The following ERC1 variants were observed in gnomAD, a reference collection of about 807,000 sequenced individuals.
ERC1 encodes RAB6 interacting protein 2.
In ERC1, 56 loss-of-function variants were observed where a neutral mutation model predicts 132.0. That is an observed-to-expected ratio of 0.42 (90% CI 0.34 to 0.53). The LOEUF (loss-of-function observed/expected upper bound fraction) is 0.53. Among genes scored for constraint, ERC1 ranks in the 20% least tolerant of loss-of-function variants. The pLI, the probability that ERC1 is intolerant of heterozygous loss-of-function variation, is 0.03. For missense variants in ERC1, 1,202 were observed against 1,349.9 expected (o/e 0.89, Z 1.72); for synonymous variants, 478 against 476.1 (o/e 1.00, Z -0.05).
chr12:1,232,440 C>T (rs1204384139), intron 12 of ERC1, among the ~76,000 whole-genome samples: 2 of 152,158 alleles, frequency 1.3e-5, no homozygotes, highest in Non-Finnish European at 2.9e-5. Flanking sequence ...AATGCACATG[C>T]TCATTCATTT....
intron 1 of ERC1, among the ~76,000 whole-genome samples, chr12:1,007,673 G>A (rs1963970113): frequency 1.3e-5 from 2 of 151,932 alleles, no homozygotes; most frequent in East Asian, 1.9e-4. Context: ...AGTGCTATTG[G>A]GTACAGTAGC....
intron 8 of ERC1, among the ~76,000 whole-genome samples, chr12:1,170,971 G>A (rs573840153): frequency 6.6e-6 from 1 of 152,204 alleles, no homozygotes; most frequent in Admixed American, 6.5e-5. Flanking sequence ...GAAGAATATT[G>A]TTATATTTTA....
chr12:1,255,882 G>A (rs550392175), intron 13 of ERC1, among the ~76,000 whole-genome samples: 44 of 151,290 alleles, frequency 2.9e-4, no homozygotes, highest in African/African-American at 9.9e-4. Context: ...CTCGTGATCC[G>A]CCCACCTCAA....
intron 8 of ERC1, among the ~76,000 whole-genome samples, chr12:1,149,790 C>T (rs1566087673): frequency 6.6e-6 from 1 of 152,082 alleles, no homozygotes; most frequent in African/African-American, 2.4e-5. Flanking sequence ...GGCAAAAAGT[C>T]ATGGAGATAA....
chr12:1,291,723 A>G (rs2079463751), intron 15 of ERC1, among the ~76,000 whole-genome samples: 1 of 152,154 alleles, frequency 6.6e-6, no homozygotes, highest in African/African-American at 2.4e-5. Context: ...TTTAATAGCT[A>G]TTTTCCATTC....
chr12:1,435,462 G>A (rs1441828420), intron 17 of ERC1, among the ~76,000 whole-genome samples: 1 of 152,152 alleles, frequency 6.6e-6, no homozygotes, highest in Admixed American at 6.5e-5. Flanking sequence ...CTTTATTTTA[G>A]TTTATAGTAC....
intron 15 of ERC1, among the ~76,000 whole-genome samples, chr12:1,328,037 A>T (rs1258204830): frequency 6.6e-6 from 1 of 151,970 alleles, no homozygotes; most frequent in Non-Finnish European, 1.5e-5. Flanking sequence ...CTATTTTATC[A>T]CTTTGTTTTT....
At position 1,495,736 on chromosome 12, in the gene ERC1, A is replaced by G. The variant is rs557492111; in HGVS notation, c.*5506A>G. The G allele has an allele frequency of 1.5e-4, 34 of 224,260 alleles. No individual in the cohort carries two copies. In the South Asian group the frequency reaches 5.9e-3, roughly 39 times the overall value. 13.9% of individuals were successfully genotyped at this position (224,260 alleles called of 1,614,324 possible). A position where few individuals can be genotyped will look rare whatever the true frequency, so the allele number is the denominator to read the frequency against. The stretch of plus-strand genomic sequence containing the variant: ...AGCAGCCTCCATGGTGGTGTCTGGG[A>G]TGCACGTGCACCCGCTGCCTTCAGC... On this transcript the variant is annotated 3_prime_UTR_variant, in exon 19 of 19. Transcript: ENST00000360905.
chr12:1,035,774 T>G (rs1407007899), intron 2 of ERC1, among the ~76,000 whole-genome samples: 2 of 151,870 alleles, frequency 1.3e-5, no homozygotes, highest in African/African-American at 4.8e-5. Context: ...TACAAAAAAT[T>G]AGCTGAGTGT....
chr12:1,191,851 G>GA lies in ERC1; in HGVS notation c.2351+1813dup, dbSNP rs748858506. Among the ~76,000 whole-genome samples, 349 of 137,076 alleles carry GA rather than the reference G, an allele frequency of 2.5e-3. 1 individual carries two copies. Among genetic ancestry groups the GA allele is most frequent in the African/African-American group, 5.5e-3 (207 of 37,484 alleles). The allele number at this position is 137,076 out of a possible 152,430, so 89.9% of individuals were successfully genotyped here. On this transcript the variant is annotated intron_variant, in intron 12 of 18. Coordinates refer to ENST00000360905, the MANE Select transcript of ERC1 (RefSeq NM_178040.4). ...ATTCAGCACAGTTTCTTGGCTACTG[G>GA]AAAAAAAAAAAAAAGGAACAGCTTT...
At chr12:1,178,174 G>A (rs950547531) in intron 8 of ERC1, among the ~76,000 whole-genome samples, 2 of 152,090 alleles carry the variant, frequency 1.3e-5, no homozygotes, top group African/African-American at 4.8e-5. Flanking sequence ...TGCCTGTCGA[G>A]TTCTTCTTGA....
intron 14 of ERC1, among the ~76,000 whole-genome samples, chr12:1,264,930 G>A (rs537122143): frequency 3.7e-4 from 57 of 152,292 alleles, no homozygotes; most frequent in African/African-American, 1.3e-3. Context: ...TCATAGCTGT[G>A]TGAGATAGAA....
At chr12:1,057,598 T>G (rs1973224457) in intron 2 of ERC1, among the ~76,000 whole-genome samples, 2 of 144,918 alleles carry the variant, frequency 1.4e-5, no homozygotes, top group East Asian at 2.0e-4. Flanking sequence ...TTTTTTTTTT[T>G]TTTTTTTTTT....
intron 18 of ERC1, among the ~76,000 whole-genome samples, chr12:1,477,347 C>G (rs1156872564): frequency 6.6e-6 from 1 of 152,158 alleles, no homozygotes; most frequent in Non-Finnish European, 1.5e-5. Context: ...TCACCCTCCC[C>G]CCTTTTAAAG....
At chr12:1,362,083 C>T (rs1426664383) in intron 15 of ERC1, among the ~76,000 whole-genome samples, 8 of 152,146 alleles carry the variant, frequency 5.3e-5, no homozygotes, top group Admixed American at 5.2e-4. Context: ...ATAAGACACA[C>T]TATTGTGTGC....
chr12:1,160,704 C>T (rs1951806484), intron 8 of ERC1, among the ~76,000 whole-genome samples: 2 of 151,842 alleles, frequency 1.3e-5, no homozygotes, highest in South Asian at 4.1e-4. Context: ...GAACAAGACT[C>T]TGCCAAAAAA....
intron 7 of ERC1, among the ~76,000 whole-genome samples, chr12:1,134,571 T>G (rs1479594963): frequency 6.6e-6 from 1 of 152,048 alleles, no homozygotes; most frequent in Non-Finnish European, 1.5e-5. Flanking sequence ...AGGGAGGTCT[T>G]GAACTTTTGG....
chr12:1,005,511 A>G (rs1264717530), intron 1 of ERC1, among the ~76,000 whole-genome samples: 2 of 152,180 alleles, frequency 1.3e-5, no homozygotes, highest in Non-Finnish European at 2.9e-5. Context: ...GCATTTAGAT[A>G]TAAAGTTATT....
intron 14 of ERC1, among the ~76,000 whole-genome samples, chr12:1,285,655 A>C (rs1306460174): frequency 2.6e-5 from 4 of 152,208 alleles, no homozygotes. Context: ...GGCAGTAATA[A>C]AAATTTTTCC....
Sources: gnomAD v4.1 joint callset for allele counts (sites outside exome capture counted in the v4.1 genomes callset) on GRCh38, gnomAD v4.1.1 for gene constraint, MANE v1.5 for transcripts, NCBI Gene and HGNC (gene_info 2026-07-23, HGNC 2026-07-21) for gene names.